The following NRXN1 variants were observed in gnomAD, a reference collection of about 807,000 sequenced individuals.
NRXN1 encodes neurexin 1, also known as neurexin-1.
A neutral mutation model predicts 150.9 loss-of-function variants in NRXN1; 39 were observed. The observed-to-expected ratio is 0.26, with a 90% CI of 0.20 to 0.34. The LOEUF is 0.34. Ranked by LOEUF, NRXN1 falls within the 10% of genes least tolerant of loss-of-function variation. The pLI, the probability that NRXN1 is intolerant of heterozygous loss-of-function variation, is 1.00. For synonymous variants in NRXN1, 924 were observed against 757.0 expected (o/e 1.22, Z -3.62); for missense variants, 1,815 against 1,949.9 (o/e 0.93, Z 1.30).
At chr2:50,747,311 TGAG>T (rs1240211738) in intron 5 of NRXN1, among the ~76,000 whole-genome samples, 2 of 152,084 alleles carry the variant, frequency 1.3e-5, no homozygotes, top group Non-Finnish European at 2.9e-5. Flanking sequence ...GAGACAGGAA[TGAG>T]GAGATCAGAC....
chr2:50,098,220 T>C (rs746048862), intron 18 of NRXN1, among the ~76,000 whole-genome samples: 1 of 152,162 alleles, frequency 6.6e-6, no homozygotes, highest in Non-Finnish European at 1.5e-5. Flanking sequence ...CACCCAGCAT[T>C]TTCCTACTAC....
At chr2:50,899,842 C>T (rs1003011181) in intron 5 of NRXN1, among the ~76,000 whole-genome samples, 2 of 152,070 alleles carry the variant, frequency 1.3e-5, no homozygotes, top group Admixed American at 6.6e-5. Flanking sequence ...GAAGCATAAA[C>T]GTCAGGTTGT....
chr2:50,240,092 T>A (rs2222315), intron 17 of NRXN1, among the ~76,000 whole-genome samples: 101,782 of 151,308 alleles, frequency 0.67, 35,610 homozygotes, highest in African/African-American at 0.87. Flanking sequence ...ATTTGATTTC[T>A]TCTCAGATTT....
At chr2:50,693,986 T>C (rs2104901503) in intron 5 of NRXN1, among the ~76,000 whole-genome samples, 1 of 152,136 alleles carries the variant, frequency 6.6e-6, no homozygotes. Context: ...AGAAATAGGG[T>C]CTTCCTATGC....
intron 5 of NRXN1, among the ~76,000 whole-genome samples, chr2:50,868,144 TA>T (rs1227877751): frequency 6.5e-3 from 27 of 4,180 alleles, no homozygotes; most frequent in African/African-American, 0.018. Context: ...CAAAATATTA[TA>T]TATATATATA....
chr2:50,447,902 C>G (rs1467059589), intron 17 of NRXN1, among the ~76,000 whole-genome samples: 1 of 150,926 alleles, frequency 6.6e-6, no homozygotes, highest in African/African-American at 2.4e-5. Context: ...AGAAGCCCCC[C>G]ATGGGTTATT....
At chr2:50,846,660 C>G (rs936294282) in intron 5 of NRXN1, among the ~76,000 whole-genome samples, 2 of 152,102 alleles carry the variant, frequency 1.3e-5, no homozygotes, top group African/African-American at 4.8e-5. Context: ...CCATGGAATT[C>G]CTCAAATTGT....
At chr2:50,459,755 G>T (rs1194405414) in intron 17 of NRXN1, among the ~76,000 whole-genome samples, 2 of 152,076 alleles carry the variant, frequency 1.3e-5, no homozygotes, top group African/African-American at 2.4e-5. Context: ...ATTGTGCAAG[G>T]TTCTGATAAT....
chr2:50,917,782 T>C (rs1685425029), intron 5 of NRXN1: 1 of 151,656 alleles, frequency 6.6e-6, no homozygotes, highest in South Asian at 2.1e-4. Context: ...AGAAATAAGT[T>C]TCTGTTACTT....
intron 18 of NRXN1, among the ~76,000 whole-genome samples, chr2:50,209,291 T>C: frequency 6.6e-6 from 1 of 152,158 alleles, no homozygotes; most frequent in East Asian, 1.9e-4. Flanking sequence ...AGAGATTTAA[T>C]ATATGGCCAA....
At chr2:50,856,565 A>T (rs1675300691) in intron 5 of NRXN1, among the ~76,000 whole-genome samples, 1 of 152,090 alleles carries the variant, frequency 6.6e-6, no homozygotes, top group South Asian at 2.1e-4. Flanking sequence ...GATTTATTCT[A>T]GGTTTATCAT....
chr2:50,458,187 A>T (rs2087775763), intron 17 of NRXN1, among the ~76,000 whole-genome samples: 1 of 152,138 alleles, frequency 6.6e-6, no homozygotes, highest in Non-Finnish European at 1.5e-5. Flanking sequence ...GCTCAGAAAG[A>T]CAAATATCGC....
intron 5 of NRXN1, among the ~76,000 whole-genome samples, chr2:50,728,452 C>A (rs1015965098): frequency 1.3e-5 from 2 of 152,096 alleles, no homozygotes; most frequent in African/African-American, 4.8e-5. Context: ...AAACCATCAA[C>A]CATGTCTATG....
At chr2:51,015,422 A>G (rs1211788766) in intron 2 of NRXN1, among the ~76,000 whole-genome samples, 1 of 152,056 alleles carries the variant, frequency 6.6e-6, no homozygotes, top group Non-Finnish European at 1.5e-5. Context: ...TTAGGATACA[A>G]ATAAGGATTT....
At chr2:50,295,621 C>T (rs2073465895) in intron 17 of NRXN1, among the ~76,000 whole-genome samples, 1 of 152,156 alleles carries the variant, frequency 6.6e-6, no homozygotes, top group Non-Finnish European at 1.5e-5. Flanking sequence ...AATGTGGGCT[C>T]TGAATTTTAT....
At chr2:50,139,288 T>G (rs1023427527) in intron 18 of NRXN1, among the ~76,000 whole-genome samples, 22 of 137,452 alleles carry the variant, frequency 1.6e-4, no homozygotes, top group Non-Finnish European at 3.3e-4. Flanking sequence ...ATTGTGCCAC[T>G]GCACTCCAGC....
chr2:50,886,421 T>C (rs34176130), intron 5 of NRXN1, among the ~76,000 whole-genome samples: 78,479 of 151,098 alleles, frequency 0.52, 21,952 homozygotes, highest in Non-Finnish European at 0.64. Flanking sequence ...TTATATAATA[T>C]TGTGGTTTCT....
intron 17 of NRXN1, among the ~76,000 whole-genome samples, chr2:50,264,411 T>C (rs1248999810): frequency 6.6e-6 from 1 of 152,014 alleles, no homozygotes; most frequent in Non-Finnish European, 1.5e-5. Flanking sequence ...TTCAAAGCAA[T>C]ATCCATGTAC....
intron 4 of NRXN1, 103 bp downstream of exon 4, chr2:50,922,555 T>C (rs932743765): frequency 9.9e-7 from 1 of 1,009,788 alleles, no homozygotes; most frequent in Non-Finnish European, 1.5e-6. Context: ...TTTGCAGCCA[T>C]ATAATTTGCA....
Sources: gnomAD v4.1 joint callset for allele counts (sites outside exome capture counted in the v4.1 genomes callset) on GRCh38, gnomAD v4.1.1 for gene constraint, MANE v1.5 for transcripts, NCBI Gene and HGNC (gene_info 2026-07-23, HGNC 2026-07-21) for gene names.